RBMS3: variants seen among roughly 807,000 people sequenced by gnomAD.
RBMS3 encodes the protein RNA-binding motif, single-stranded-interacting protein 3.
Under a neutral mutation model 66.8 loss-of-function variants are expected in RBMS3, and 27 were observed. That is an observed-to-expected ratio of 0.40 (90% CI 0.30 to 0.56). The LOEUF is 0.56. RBMS3 is among the 20% of genes least tolerant of loss of function. The pLI is 0.40. For missense variants in RBMS3, 513 were observed against 549.5 expected (o/e 0.93, Z 0.66); for synonymous variants, 188 against 183.0 (o/e 1.03, Z -0.22).
chr3:29,517,041 A>ATC (rs2044654254), intron 3 of RBMS3, among the ~76,000 whole-genome samples: 1 of 151,822 alleles, frequency 6.6e-6, no homozygotes, highest in Admixed American at 6.6e-5. Flanking sequence ...AGTGAAACCG[A>ATC]TCTCTACTAA....
chr3:29,580,940 G>A (rs923948300), intron 3 of RBMS3, among the ~76,000 whole-genome samples: 3 of 152,120 alleles, frequency 2.0e-5, no homozygotes, highest in African/African-American at 7.2e-5. Flanking sequence ...AACCCTCCCT[G>A]TTCAGGCAGT....
intron 3 of RBMS3, among the ~76,000 whole-genome samples, chr3:29,523,962 C>G (rs2044972103): frequency 6.6e-6 from 1 of 152,020 alleles, no homozygotes; most frequent in South Asian, 2.1e-4. Flanking sequence ...GTCTTGAACT[C>G]CTGGCCACAA....
intron 1 of RBMS3, among the ~76,000 whole-genome samples, chr3:29,384,105 C>A (rs2038894148): frequency 6.6e-6 from 1 of 152,002 alleles, no homozygotes; most frequent in African/African-American, 2.4e-5. Flanking sequence ...TGTTTTAGCC[C>A]AGGAGTTCAA....
intron 1 of RBMS3, among the ~76,000 whole-genome samples, chr3:29,425,313 G>T (rs889994247): frequency 1.3e-5 from 2 of 151,652 alleles, no homozygotes; most frequent in African/African-American, 4.8e-5. Context: ...GGCAGAGGTT[G>T]CAGTGAGCCG....
chr3:29,400,882 G>C (rs951880723), intron 1 of RBMS3, among the ~76,000 whole-genome samples: 4 of 152,088 alleles, frequency 2.6e-5, no homozygotes, highest in African/African-American at 9.7e-5. Flanking sequence ...ATGTAGGATA[G>C]ACTGTAAACA....
At chr3:29,933,733 C>G (rs951532289) in intron 10 of RBMS3, 3 of 152,030 alleles carry the variant, frequency 2.0e-5, no homozygotes, top group Admixed American at 2.0e-4. Context: ...ACATTATTTT[C>G]CACTCTGTGC....
intron 5 of RBMS3, among the ~76,000 whole-genome samples, chr3:29,740,837 C>T (rs544696417): frequency 1.4e-4 from 22 of 152,080 alleles, no homozygotes; most frequent in Admixed American, 4.6e-4. Context: ...GTCAGGAGTT[C>T]GAGACCAGCC....
At chr3:29,919,848 T>C (rs531748037) in intron 10 of RBMS3, among the ~76,000 whole-genome samples, 2 of 152,236 alleles carry the variant, frequency 1.3e-5, no homozygotes, top group Non-Finnish European at 2.9e-5. Context: ...TTCTGTCACT[T>C]CATTCACAAA....
intron 4 of RBMS3, chr3:29,698,202 T>G: frequency 1.0e-6 from 1 of 984,506 alleles, no homozygotes; most frequent in Non-Finnish European, 1.2e-6. Flanking sequence ...CCACAGGACT[T>G]CAATTTTATA....
chr3:29,478,236 G>A lies in RBMS3; in HGVS notation c.249-10205G>A, dbSNP rs200486302. On this transcript the variant is annotated intron_variant, in intron 2 of 14. Coordinates refer to ENST00000383767, the MANE Select transcript of RBMS3 (RefSeq NM_001003793.3). ...TTGTCAGTCTATTTGGGCTACTATA[G>A]CAAAATGCTACAAACCTGGTGGCTT... Among the ~76,000 whole-genome samples the A allele has an allele frequency of 5.9e-5, 9 of 152,266 alleles. No homozygotes were observed. The East Asian group carries it at 1.7e-3, about 29-fold the overall frequency.
rs541213000 is a variant in RBMS3, at chr3:29,793,402, G to T, written c.637+30413G>T. ...CTGAATGATTCTTAGATAACAATTT[G>T]GATTTATTTAATATTTATTAAGTGA... On this transcript the variant is annotated intron_variant, in intron 6 of 14. Transcript: ENST00000383767. 2.0e-5 allele frequency among the ~76,000 whole-genome samples: 3 copies of T among 151,604 alleles called. No homozygotes were observed. The South Asian group carries it at 6.2e-4, about 32-fold the overall frequency.
intron 4 of RBMS3, among the ~76,000 whole-genome samples, chr3:29,622,049 A>G (rs1330524753): frequency 6.6e-6 from 1 of 152,206 alleles, no homozygotes; most frequent in African/African-American, 2.4e-5. Context: ...CTTCATTTAT[A>G]AAATTAAAGG....
At chr3:29,307,109 A>G (rs1334062395) in intron 1 of RBMS3, among the ~76,000 whole-genome samples, 1 of 151,890 alleles carries the variant, frequency 6.6e-6, no homozygotes, top group East Asian at 1.9e-4. Context: ...TATGCCTACT[A>G]TTTCCATTTC....
chr3:29,430,514 AT>A (rs112791486), intron 1 of RBMS3, among the ~76,000 whole-genome samples: 1 of 152,160 alleles, frequency 6.6e-6, no homozygotes, highest in East Asian at 1.9e-4. Context: ...TATTTTGTTA[AT>A]TTTTTTCCCT....
At chr3:29,729,456 A>G (rs2054032280) in intron 4 of RBMS3, among the ~76,000 whole-genome samples, 1 of 152,148 alleles carries the variant, frequency 6.6e-6, no homozygotes, top group African/African-American at 2.4e-5. Context: ...ATACGCGTGC[A>G]TGTGTCTTTA....
intron 3 of RBMS3, among the ~76,000 whole-genome samples, chr3:29,582,679 A>G (rs949988144): frequency 6.6e-6 from 1 of 152,220 alleles, no homozygotes; most frequent in African/African-American, 2.4e-5. Context: ...ATGTAGGTAC[A>G]GAGGTTGCTG....
At chr3:29,553,059 A>G (rs2149034551) in intron 3 of RBMS3, among the ~76,000 whole-genome samples, 1 of 152,266 alleles carries the variant, frequency 6.6e-6, no homozygotes, top group East Asian at 1.9e-4. Flanking sequence ...GGCAGTTTTG[A>G]GCATTAAGTA....
At chr3:29,400,290 G>A (rs911766249) in intron 1 of RBMS3, among the ~76,000 whole-genome samples, 5 of 152,048 alleles carry the variant, frequency 3.3e-5, no homozygotes, top group Non-Finnish European at 1.5e-5. Context: ...GAACCTTGAG[G>A]ACGTTATGCT....
chr3:29,573,335 G>C (rs1559479434), intron 3 of RBMS3, among the ~76,000 whole-genome samples: 2 of 152,100 alleles, frequency 1.3e-5, no homozygotes, highest in Non-Finnish European at 2.9e-5. Context: ...TGGCCAGGCT[G>C]GTCTCAATCT....
Sources: allele counts gnomAD v4.1 joint callset (sites outside exome capture counted in the v4.1 genomes callset), GRCh38; gene constraint gnomAD v4.1.1; transcripts MANE v1.5; gene names NCBI Gene and HGNC (gene_info 2026-07-23, HGNC 2026-07-21).